The following KPNA7 variants were observed in gnomAD, a reference collection of about 807,000 sequenced individuals.
The protein encoded by KPNA7 is karyopherin subunit alpha 7.
Under a neutral mutation model 53.7 loss-of-function variants are expected in KPNA7, and 54 were observed. The ratio of observed to expected loss-of-function variants is 1.01; its 90% CI spans 0.81 to 1.26. The LOEUF (loss-of-function observed/expected upper bound fraction) is 1.26. Ranked by LOEUF, KPNA7 falls within the 50% of genes most tolerant of loss-of-function variation. The probability of loss-of-function intolerance (pLI) is 0.00; values close to 1 mark genes in which losing one functional copy is unlikely to be tolerated. For synonymous variants in KPNA7, 276 were observed against 259.3 expected (o/e 1.06, Z -0.62); for missense variants, 640 against 644.5 (o/e 0.99, Z 0.07).
chr7:99,198,897 A>G (rs908271035), intron 3 of KPNA7, among the ~76,000 whole-genome samples: 4 of 152,120 alleles, frequency 2.6e-5, no homozygotes, highest in Non-Finnish European at 5.9e-5. Context: ...CCTAGAGCTA[A>G]TAAAATTCAG....
At chr7:99,149,015 C>A in the KPNA7 span, among the ~76,000 whole-genome samples, 3 of 151,586 alleles carry the variant, frequency 2.0e-5, no homozygotes, top group Admixed American at 6.6e-5. Context: ...CCTGCCTCAG[C>A]CTTCCGAGTA....
intron 10 of KPNA7, among the ~76,000 whole-genome samples, chr7:99,176,306 A>G (rs917604199): frequency 1.1e-5 from 1 of 87,110 alleles, no homozygotes; most frequent in Non-Finnish European, 3.0e-5. Context: ...TCAAAAAAAA[A>G]AAAAAAGAAA....
chr7:99,153,897 C>T, the KPNA7 span, among the ~76,000 whole-genome samples: 1 of 151,832 alleles, frequency 6.6e-6, no homozygotes, highest in East Asian at 1.9e-4. Flanking sequence ...ATCATTTGAG[C>T]CCAGGAGATC....
the KPNA7 span, among the ~76,000 whole-genome samples, chr7:99,147,638 A>T: frequency 6.6e-6 from 1 of 152,170 alleles, no homozygotes; most frequent in East Asian, 1.9e-4. Flanking sequence ...TAAAAATACA[A>T]AAATAACCTG....
At chr7:99,206,326 A>G (rs901752978) in intron 2 of KPNA7, among the ~76,000 whole-genome samples, 2 of 151,698 alleles carry the variant, frequency 1.3e-5, no homozygotes, top group African/African-American at 2.4e-5. Flanking sequence ...ATGCACATCT[A>G]ATTTTTTGTA....
downstream of KPNA7, among the ~76,000 whole-genome samples, chr7:99,169,441 G>A (rs1798731674): frequency 1.3e-5 from 2 of 151,732 alleles, no homozygotes; most frequent in African/African-American, 4.8e-5. Flanking sequence ...CCAACATGGT[G>A]AAACCCTATC....
intron 3 of KPNA7, among the ~76,000 whole-genome samples, chr7:99,196,385 A>T (rs1464308171): frequency 6.6e-6 from 1 of 152,210 alleles, no homozygotes; most frequent in African/African-American, 2.4e-5. Context: ...TCCTATCATT[A>T]GTTGGATCCC....
chr7:99,173,062 CAAAAAA>C (rs923484332), downstream of KPNA7, among the ~76,000 whole-genome samples: 14 of 57,164 alleles, frequency 2.4e-4, no homozygotes, highest in African/African-American at 6.4e-4. Flanking sequence ...AACTCCATCT[CAAAAAA>C]AAAAAAAAAA....
chr7:99,209,679 A>T (rs1790995997), upstream of KPNA7, among the ~76,000 whole-genome samples: 1 of 73,876 alleles, frequency 1.4e-5, no homozygotes, highest in African/African-American at 5.8e-5. Flanking sequence ...CGAGACTCCA[A>T]CTCAAAAAAA....
rs80171539 is a variant in KPNA7 at position 99,178,113 on chromosome 7, G to T, written c.1318-47C>A. On this transcript the variant is annotated intron_variant, in intron 9 of 10. Coordinates refer to ENST00000327442, the MANE Select transcript of KPNA7 (RefSeq NM_001145715.3). ...CATGAGACCCCCGGCAGGAGCCTTT[G>T]GGGGATAGGGACTCTGTCAGCCCTC... 11 of 1,528,762 alleles carry T rather than the reference G, an allele frequency of 7.2e-6. No individual in the cohort carries two copies. In the East Asian group the frequency reaches 2.2e-4, roughly 31 times the overall value. 94.7% of individuals were successfully genotyped at this position (1,528,762 alleles called of 1,614,324 possible). A position where few individuals can be genotyped will look rare whatever the true frequency, so the allele number is the denominator to read the frequency against.
chr7:99,164,202 G>A, the KPNA7 span, among the ~76,000 whole-genome samples: 1,697 of 151,006 alleles, frequency 0.011, 30 homozygotes, highest in African/African-American at 0.04. Flanking sequence ...TGTTTATTGC[G>A]GCACTATTCA....
At chr7:99,201,389 C>T (rs1173557123) in intron 3 of KPNA7, among the ~76,000 whole-genome samples, 1 of 151,918 alleles carries the variant, frequency 6.6e-6, no homozygotes, top group African/African-American at 2.4e-5. Context: ...ATATGCCAAG[C>T]ACAGTGGCTC....
intron 8 of KPNA7, 28 bp downstream of exon 8, chr7:99,184,901 T>TGC: frequency 6.5e-7 from 1 of 1,535,722 alleles, no homozygotes; most frequent in East Asian, 2.4e-5. Flanking sequence ...AGTAGTCCTT[T>TGC]GCCATGGTTG....
intron 2 of KPNA7, among the ~76,000 whole-genome samples, chr7:99,204,259 C>G (rs1262915716): frequency 6.6e-6 from 1 of 152,026 alleles, no homozygotes; most frequent in Non-Finnish European, 1.5e-5. Context: ...GTAGTCCCAG[C>G]TACTTGGGAG....
In KPNA7 at chr7:99,213,662, G is replaced by A. The variant is rs150163693; in HGVS notation, c.-23-6173C>T. 1.2e-3 allele frequency among the ~76,000 whole-genome samples: 183 copies of A among 151,996 alleles called. 1 individual carries two copies. Among genetic ancestry groups the A allele is most frequent in the African/African-American group, 4.3e-3 (178 of 41,456 alleles). ...GTCTTACTCTGTCACCCAGGTTGGG[G>A]TGCAGTGATACAATCATAGCTCACT... On this transcript the variant is annotated intron_variant, in intron 1 of 10. Transcript: ENST00000681060.
intron 5 of KPNA7, 38 bp from the exon 6 acceptor site, chr7:99,193,139 C>T (rs1470568007): frequency 4.6e-6 from 6 of 1,302,934 alleles, no homozygotes; most frequent in East Asian, 5.5e-5. Flanking sequence ...AGAGAGAGAA[C>T]AAAGACAATC....
chr7:99,214,529 G>A (rs1385366520), intron 1 of KPNA7, among the ~76,000 whole-genome samples: 1 of 147,770 alleles, frequency 6.8e-6, no homozygotes, highest in Non-Finnish European at 1.5e-5. Flanking sequence ...TTGGGAGGCT[G>A]AGGAGGGAGA....
chr7:99,211,891 G>T (rs933132998), upstream of KPNA7, among the ~76,000 whole-genome samples: 4 of 152,108 alleles, frequency 2.6e-5, no homozygotes, highest in Non-Finnish European at 5.9e-5. Flanking sequence ...CCCACTCTCC[G>T]ATCTCAAAGC....
the KPNA7 span, among the ~76,000 whole-genome samples, chr7:99,160,214 G>A: frequency 6.6e-6 from 1 of 151,748 alleles, no homozygotes; most frequent in African/African-American, 2.4e-5. Context: ...TTTTAGTAGA[G>A]ACGGGGTTTC....
Sources: gnomAD v4.1 joint callset for allele counts (sites outside exome capture counted in the v4.1 genomes callset) on GRCh38, gnomAD v4.1.1 for gene constraint, MANE v1.5 for transcripts, NCBI Gene and HGNC (gene_info 2026-07-23, HGNC 2026-07-21) for gene names.